The following CCDC83 variants were observed in gnomAD, a reference collection of about 807,000 sequenced individuals.
The protein encoded by CCDC83 is coiled-coil domain containing 83.
In CCDC83, 54 loss-of-function variants were observed where a neutral mutation model predicts 50.1. That is an observed-to-expected ratio of 1.08 (90% CI 0.87 to 1.35). CCDC83 has a LOEUF of 1.35. CCDC83 is among the 40% of genes most tolerant of loss of function. The pLI is 0.00. For missense variants in CCDC83, 518 were observed against 473.9 expected (o/e 1.09, Z -0.86); for synonymous variants, 161 against 153.3 (o/e 1.05, Z -0.37).
At chr11:85,855,923 G>A (rs7106682) in intron 1 of CCDC83, among the ~76,000 whole-genome samples, 1 of 152,100 alleles carries the variant, frequency 6.6e-6, no homozygotes, top group East Asian at 1.9e-4. Context: ...ATGCTCTTCC[G>A]CTGTAGGTAC....
intron 7 of CCDC83, among the ~76,000 whole-genome samples, chr11:85,903,497 T>C (rs1035138721): frequency 5.9e-5 from 9 of 151,894 alleles, no homozygotes; most frequent in African/African-American, 1.9e-4. Context: ...CAGATGGGGT[T>C]TCATCATGTT....
rs1482399757 is a variant in CCDC83, at chr11:85,865,178, G to A, written c.55G>A (p.Glu19Lys). Residue 19 changes from glutamate (E) to lysine (K), a missense_variant, in exon 2 of 11, where the codon GAA becomes AAA. Glu to Lys is a moderately conservative substitution (Grantham distance 56). Transcript: ENST00000342404. Reference protein sequence around the residue: ...KKDTHDGPPKEIKLPTSEALL... With the variant: ...KKDTHDGPPKKIKLPTSEALL... ...GGATACACATGACGGGCCACCAAAA[G>A]AAATTAAACTGCCTACCAGTGAAGC... The A allele has an allele frequency of 4.3e-6, 7 of 1,612,742 alleles. No homozygotes were observed. The highest frequency in any genetic ancestry group is 5.1e-6 in the Non-Finnish European group (6 of 1,178,848).
In CCDC83 at chr11:85,883,198, G is replaced by A. The variant is rs145113481; in HGVS notation, c.343+523G>A. On this transcript the variant is annotated intron_variant, in intron 4 of 10. Coordinates refer to ENST00000342404, the MANE Select transcript of CCDC83 (RefSeq NM_001286159.2). ...CTCCCAAAGTTCTGGGATTACAGGC[G>A]TGAGCCACCATGCCCAGCCTCATCT... 9.4e-3 allele frequency among the ~76,000 whole-genome samples: 1,430 copies of A among 152,212 alleles called. 7 individuals are homozygous for A. Among genetic ancestry groups the A allele is most frequent in the Non-Finnish European group, 0.013 (900 of 68,014 alleles).
At chr11:85,917,659 G>GA (rs1314142117) in intron 10 of CCDC83, among the ~76,000 whole-genome samples, 3 of 152,098 alleles carry the variant, frequency 2.0e-5, no homozygotes, top group Non-Finnish European at 2.9e-5. Context: ...TCTGGTAGTG[G>GA]AAAAAATGAT....
In CCDC83 at chr11:85,886,649, G is replaced by A. The variant is rs181701415; in HGVS notation, c.511+282G>A. 9.1e-4 allele frequency among the ~76,000 whole-genome samples: 139 copies of A among 152,330 alleles called. 1 individual carries two copies. The highest frequency in any genetic ancestry group is 2.9e-3 in the African/African-American group (122 of 41,576). On this transcript the variant is annotated intron_variant, in intron 5 of 10. Coordinates refer to ENST00000342404, the MANE Select transcript of CCDC83 (RefSeq NM_001286159.2). ...AAGAAAGACGCTTCTGGCTGGATGCGGTGGCTCATGCCTGTAATCTCAACA... is the reference window on the plus strand; with the variant it reads ...AAGAAAGACGCTTCTGGCTGGATGCAGTGGCTCATGCCTGTAATCTCAACA...
Position 85,898,976 on chromosome 11 carries a change from T to A in CCDC83, c.633T>A (p.Ser211Arg), listed in dbSNP as rs367891779. Residue 211 changes from serine to arginine, a missense_variant, in exon 7 of 11, where the codon AGT becomes AGA. Physicochemically the swap from Ser to Arg is moderately radical, Grantham distance 110. Transcript: ENST00000342404. ...CTGTAAAGCTCATTGACAAGGGCAG[T>A]TATCTAGAGATCTGGGAGAATGACT... The part of the protein sequence containing the change: ...QNAVKLIDKG[S>R]YLEIWENDWL... 13 of 1,612,752 alleles carry A rather than the reference T, an allele frequency of 8.1e-6. No homozygotes were observed. In the East Asian group the frequency reaches 2.9e-4, roughly 36 times the overall value.
intron 2 of CCDC83, 32 bp downstream of exon 2, chr11:85,865,250 C>CA: frequency 1.5e-6 from 2 of 1,336,856 alleles, no homozygotes; most frequent in Non-Finnish European, 2.1e-6. Context: ...TGAAAGTTGC[C>CA]ATAGATAAAA....
intron 10 of CCDC83, among the ~76,000 whole-genome samples, chr11:85,917,154 G>GAAAGAA (rs1407223054): frequency 4.3e-5 from 3 of 69,714 alleles, no homozygotes; most frequent in African/African-American, 1.1e-4. Context: ...GAGAGAGAGA[G>GAAAGAA]AGAGAGAGAG....
chr11:85,874,795 TC>T (rs924915848), intron 3 of CCDC83, among the ~76,000 whole-genome samples: 3 of 152,214 alleles, frequency 2.0e-5, no homozygotes, highest in African/African-American at 7.2e-5. Flanking sequence ...AAACTTTACC[TC>T]TCATCTCTTA....
chr11:85,903,251 G>A (rs2093410293), intron 7 of CCDC83, among the ~76,000 whole-genome samples: 2 of 152,056 alleles, frequency 1.3e-5, no homozygotes, highest in Admixed American at 6.6e-5. Context: ...CAAAAAATCT[G>A]CATGTGTTGT....
At chr11:85,910,301 C>G (rs1288856812) in intron 7 of CCDC83, among the ~76,000 whole-genome samples, 3 of 152,246 alleles carry the variant, frequency 2.0e-5, no homozygotes, top group African/African-American at 7.2e-5. Flanking sequence ...TTGAAGGTTA[C>G]TACACCTTGT....
chr11:85,913,885 G>A (rs895803471), intron 8 of CCDC83, among the ~76,000 whole-genome samples: 1 of 152,190 alleles, frequency 6.6e-6, no homozygotes, highest in East Asian at 1.9e-4. Flanking sequence ...ATATCATTAA[G>A]TATCAAGTGT....
chr11:85,856,534 T>C (rs2093142441), intron 1 of CCDC83, among the ~76,000 whole-genome samples: 1 of 152,246 alleles, frequency 6.6e-6, no homozygotes, highest in African/African-American at 2.4e-5. Flanking sequence ...AACTATTTGA[T>C]ATTAGCAACT....
intron 5 of CCDC83, among the ~76,000 whole-genome samples, chr11:85,888,702 T>G (rs2093338360): frequency 6.6e-6 from 1 of 152,194 alleles, no homozygotes; most frequent in Non-Finnish European, 1.5e-5. Context: ...TTTATGGTTT[T>G]GTTTTTATAT....
intron 1 of CCDC83, among the ~76,000 whole-genome samples, chr11:85,855,786 A>C (rs1383752778): frequency 1.3e-5 from 2 of 151,854 alleles, no homozygotes; most frequent in Admixed American, 6.6e-5. Flanking sequence ...AGGTTATACA[A>C]CTCTGTGCAG....
chr11:85,864,934 T>C (rs2093198273), intron 1 of CCDC83, among the ~76,000 whole-genome samples, 162 bp from the exon 2 acceptor site: 1 of 152,168 alleles, frequency 6.6e-6, no homozygotes, highest in South Asian at 2.1e-4. Flanking sequence ...ATCCAATCAT[T>C]TCATGATGTT....
chr11:85,904,198 G>A (rs547238286), intron 7 of CCDC83, among the ~76,000 whole-genome samples: 1 of 152,022 alleles, frequency 6.6e-6, no homozygotes, highest in South Asian at 2.1e-4. Context: ...TAAATTTACA[G>A]AATTATTGCA....
intron 10 of CCDC83, among the ~76,000 whole-genome samples, chr11:85,918,504 C>A (rs1449443659): frequency 6.6e-6 from 1 of 152,208 alleles, no homozygotes. Flanking sequence ...GGCGTGAGCT[C>A]TGTCCACCCA....
intron 1 of CCDC83, among the ~76,000 whole-genome samples, chr11:85,858,871 C>T (rs1434806199): frequency 6.6e-6 from 1 of 152,142 alleles, no homozygotes; most frequent in African/African-American, 2.4e-5. Flanking sequence ...TGACTTAGTG[C>T]TGGGCCTTCT....
Sources: allele counts gnomAD v4.1 joint callset (sites outside exome capture counted in the v4.1 genomes callset), GRCh38; gene constraint gnomAD v4.1.1; transcripts MANE v1.5; gene names NCBI Gene and HGNC (gene_info 2026-07-23, HGNC 2026-07-21).